The following GATA4 variants were observed in gnomAD, a reference collection of about 807,000 sequenced individuals.
GATA4 encodes transcription factor GATA-4.
In GATA4, 7 loss-of-function variants were observed where a neutral mutation model predicts 37.9. The ratio of observed to expected loss-of-function variants is 0.18; its 90% CI spans 0.11 to 0.35. The LOEUF (loss-of-function observed/expected upper bound fraction) is 0.35, where lower values mean the gene tolerates loss of function less well. GATA4 is among the 10% of genes least tolerant of loss of function. The pLI, the probability that GATA4 is intolerant of heterozygous loss-of-function variation, is 1.00. For missense variants in GATA4, 647 were observed against 653.0 expected, an observed-to-expected ratio of 0.99 and a Z score of 0.10; for synonymous variants, 372 against 292.6, an observed-to-expected ratio of 1.27 and a Z score of -2.77.
upstream of GATA4, among the ~76,000 whole-genome samples, chr8:11,699,414 C>T (rs1213426909): frequency 4.6e-5 from 7 of 152,070 alleles, no homozygotes; most frequent in East Asian, 5.8e-4. Flanking sequence ...AGGCAATCCC[C>T]GAAGAAAGGG....
Position 11,680,886 on chromosome 8 carries a change from C to T in GATA4, c.-274+3823C>T, listed in dbSNP as rs1226887102. 6 of 985,240 alleles carry T rather than the reference C, an allele frequency of 6.1e-6. No homozygotes were observed. The African/African-American group carries it at 1.0e-4, about 17-fold the overall frequency. The allele number at this position is 985,240 out of a possible 1,614,324, so 61.0% of individuals were successfully genotyped here. ...CCCATTTCTTCTCAGTTGCGACCCC[C>T]TGTGTGAGACCCCTAAAGAGGCCAA... On this transcript the variant is annotated intron_variant, in intron 1 of 6. Coordinates refer to the GATA4 transcript ENST00000528712.
intron 6 of GATA4, among the ~76,000 whole-genome samples, chr8:11,757,426 G>A (rs910844543): frequency 5.3e-5 from 8 of 152,234 alleles, no homozygotes; most frequent in Non-Finnish European, 1.0e-4. Context: ...TGGCAGGGGC[G>A]GAAAACAACA....
intron 1 of GATA4, among the ~76,000 whole-genome samples, chr8:11,696,770 A>G (rs1209887620): frequency 6.6e-6 from 1 of 152,236 alleles, no homozygotes; most frequent in African/African-American, 2.4e-5. Context: ...AAAGAAAGAT[A>G]TGAATTCAGA....
Position 11,749,206 on chromosome 8 carries a change from G to C in GATA4, c.786+121G>C. On this transcript the variant is annotated intron_variant, in intron 3 of 6. Transcript: ENST00000532059. This position sits in a 1 kb window ranked among gnomAD's most constrained non-coding sequence, Gnocchi z 4.6. ...TGTGCATCGGGGATTACGTGGGTGA[G>C]AGCCCCATAATAATTCTCACAACTT... 1.1e-6 allele frequency: 1 copy of C among 942,440 alleles called. No individual in the cohort carries two copies. Among genetic ancestry groups the C allele is most frequent in the African/African-American group, 1.6e-5 (1 of 61,558 alleles). 58.4% of individuals were successfully genotyped at this position (942,440 alleles called of 1,614,324 possible). A position where few individuals can be genotyped will look rare whatever the true frequency, so the allele number is the denominator to read the frequency against.
intron 2 of GATA4, among the ~76,000 whole-genome samples, chr8:11,728,647 C>G (rs1801059037): frequency 6.6e-6 from 1 of 152,026 alleles, no homozygotes; most frequent in East Asian, 1.9e-4. Context: ...CTCTTGGGCT[C>G]AAGCAATCCT....
chr8:11,743,901 T>A (rs1321333317), intron 2 of GATA4, among the ~76,000 whole-genome samples: 2 of 152,226 alleles, frequency 1.3e-5, no homozygotes, highest in Non-Finnish European at 2.9e-5. Flanking sequence ...AAACTTTTTT[T>A]AGCAAGGTAT....
chr8:11,747,011 A>G (rs1222116940), intron 2 of GATA4, among the ~76,000 whole-genome samples: 1 of 152,200 alleles, frequency 6.6e-6, no homozygotes, highest in Non-Finnish European at 1.5e-5. Context: ...TAGAGCAAGT[A>G]GCTGGGCCAC....
At chr8:11,699,667 C>T (rs771060956), upstream of GATA4, among the ~76,000 whole-genome samples, 1 of 152,258 alleles carries the variant, frequency 6.6e-6, no homozygotes, top group African/African-American at 2.4e-5. Flanking sequence ...CCTGCCTGGA[C>T]TTGCAGGCAC....
chr8:11,686,902 G>A (rs1799154224), intron 1 of GATA4, among the ~76,000 whole-genome samples: 1 of 151,896 alleles, frequency 6.6e-6, no homozygotes, highest in African/African-American at 2.4e-5. Context: ...GGAGGCTGAG[G>A]CAGGAAAACC....
chr8:11,683,986 C>T (rs997838637), intron 1 of GATA4, among the ~76,000 whole-genome samples: 1 of 152,236 alleles, frequency 6.6e-6, no homozygotes, highest in African/African-American at 2.4e-5. Flanking sequence ...GCCCTTAATG[C>T]TACTGTGACT....
intron 1 of GATA4, among the ~76,000 whole-genome samples, chr8:11,687,198 C>T (rs1451759579): frequency 1.3e-5 from 2 of 152,118 alleles, no homozygotes; most frequent in African/African-American, 4.8e-5. Flanking sequence ...TCATTCTCTG[C>T]TAGCTAGGCA....
intron 6 of GATA4, among the ~76,000 whole-genome samples, chr8:11,757,623 G>A (rs1232684040): frequency 6.6e-6 from 1 of 152,226 alleles, no homozygotes; most frequent in African/African-American, 2.4e-5. Flanking sequence ...GCAGAGGGCA[G>A]GCAGGGCAGG....
Position 11,708,268 on chromosome 8 carries a change from T to C in GATA4, c.-45T>C, listed in dbSNP as rs780134172. 5.2e-6 allele frequency: 8 copies of C among 1,544,360 alleles called. No individual in the cohort carries two copies. In the Admixed American group the frequency reaches 5.7e-5, roughly 11 times the overall value. On this transcript the variant is annotated 5_prime_UTR_variant, in exon 2 of 7. Transcript: ENST00000532059. This position sits in a 1 kb window ranked among gnomAD's most constrained non-coding sequence, Gnocchi z 6.7. Reference sequence around the variant, plus strand: ...TCTCTCCCCGCGTGGCTCCTTGACCTGCGAGGGAGAGAGAGGACACCGAAG... The same window carrying C: ...TCTCTCCCCGCGTGGCTCCTTGACCCGCGAGGGAGAGAGAGGACACCGAAG...
upstream of GATA4, chr8:11,700,774 A>G (rs1172464815): frequency 6.6e-6 from 1 of 152,258 alleles, no homozygotes; most frequent in Non-Finnish European, 1.5e-5. Context: ...GTTCCATAGA[A>G]TGAGGTTTGA....
At chr8:11,735,390 G>T (rs1441310462) in intron 2 of GATA4, among the ~76,000 whole-genome samples, 1 of 152,128 alleles carries the variant, frequency 6.6e-6, no homozygotes, top group African/African-American at 2.4e-5. Context: ...GGAATAAACA[G>T]AATTGTTACA....
At chr8:11,752,769 A>G (rs1189503704) in intron 4 of GATA4, among the ~76,000 whole-genome samples, 1 of 152,244 alleles carries the variant, frequency 6.6e-6, no homozygotes, top group Non-Finnish European at 1.5e-5. Flanking sequence ...AGTCTCATGT[A>G]TCTTTTCATG....
chr8:11,700,969 C>T (rs1250557132), upstream of GATA4, among the ~76,000 whole-genome samples: 5 of 152,160 alleles, frequency 3.3e-5, no homozygotes, highest in Non-Finnish European at 5.9e-5. Flanking sequence ...CGCTGGAAAA[C>T]CATCAGTGGC....
intron 2 of GATA4, among the ~76,000 whole-genome samples, chr8:11,742,664 TC>T (rs1217685050): frequency 4.6e-5 from 7 of 152,188 alleles, no homozygotes; most frequent in African/African-American, 1.7e-4. Flanking sequence ...TGTGTGGGCC[TC>T]CCCGTGACAG....
intron 1 of GATA4, among the ~76,000 whole-genome samples, chr8:11,693,655 T>TG (rs1799412902): frequency 7.1e-6 from 1 of 141,470 alleles, no homozygotes; most frequent in Non-Finnish European, 1.5e-5. Context: ...AGGGCCAGAG[T>TG]GGGCGGCTGG....
Sources: gnomAD v4.1 joint callset for allele counts (sites outside exome capture counted in the v4.1 genomes callset) on GRCh38, gnomAD v4.1.1 for gene constraint, Gnocchi (gnomAD v3.1) non-coding constraint, MANE v1.5 for transcripts, NCBI Gene and HGNC (gene_info 2026-07-23, HGNC 2026-07-21) for gene names.